The following CREB5 variants were observed in gnomAD, a reference collection of about 807,000 sequenced individuals.
The protein encoded by CREB5 is cyclic AMP-responsive element-binding protein 5.
Under a neutral mutation model 57.1 loss-of-function variants are expected in CREB5, and 19 were observed. The ratio of observed to expected loss-of-function variants is 0.33; its 90% CI spans 0.23 to 0.49. CREB5 has a LOEUF of 0.49. CREB5 is among the 20% of genes least tolerant of loss of function. The pLI is 0.99. For synonymous variants in CREB5, 238 were observed against 238.3 expected (o/e 1.00, Z 0.01); for missense variants, 579 against 671.6 (o/e 0.86, Z 1.52).
intron 6 of CREB5, among the ~76,000 whole-genome samples, chr7:28,721,146 C>CG (rs902475000): frequency 1.3e-5 from 2 of 152,082 alleles, no homozygotes; most frequent in African/African-American, 4.8e-5. Context: ...TTTTGTCCCC[C>CG]GGGGGATATG....
chr7:28,395,310 C>T (rs1010342819), intron 1 of CREB5, among the ~76,000 whole-genome samples: 6 of 152,182 alleles, frequency 3.9e-5, no homozygotes, highest in African/African-American at 1.4e-4. Flanking sequence ...CAGTTTCTTT[C>T]CACACTTGTT....
At chr7:28,802,351 C>T (rs1562651068) in intron 7 of CREB5, among the ~76,000 whole-genome samples, 2 of 151,956 alleles carry the variant, frequency 1.3e-5, no homozygotes, top group South Asian at 2.1e-4. Flanking sequence ...GGTAGAGGCT[C>T]TTTATGTTTA....
chr7:28,654,755 G>T (rs984816333), intron 5 of CREB5, among the ~76,000 whole-genome samples: 2 of 152,044 alleles, frequency 1.3e-5, no homozygotes, highest in African/African-American at 4.8e-5. Flanking sequence ...TACCAATGAG[G>T]CACCCTGATG....
chr7:28,722,673 G>C (rs1169927995), intron 6 of CREB5, among the ~76,000 whole-genome samples: 4 of 152,076 alleles, frequency 2.6e-5, no homozygotes, highest in African/African-American at 9.7e-5. Context: ...TACTGAATTG[G>C]CAAGGCCTCA....
In CREB5 at chr7:28,821,368, A is replaced by ATCTT. The variant is rs1809761628; in HGVS notation, c.*2092_*2095dup. ...CTTTTTAAATCAATATTTATCAACA[A>ATCTT]TCTTTCCTTGTATGCAGTGCTTTCA... is the stretch of plus-strand genomic sequence containing the variant. On this transcript the variant is annotated 3_prime_UTR_variant, in exon 11 of 11. Transcript: ENST00000357727. The ATCTT allele has an allele frequency of 6.6e-6, 1 of 151,900 alleles. No individual in the cohort carries two copies. The highest frequency in any genetic ancestry group is 2.1e-4 in the South Asian group (1 of 4,814). The allele number at this position is 151,900 out of a possible 1,614,324, so 9.4% of individuals were successfully genotyped here. A position where few individuals can be genotyped will look rare whatever the true frequency, so the allele number is the denominator to read the frequency against.
intron 1 of CREB5, among the ~76,000 whole-genome samples, chr7:28,339,799 AT>A (rs1318181910): frequency 6.6e-6 from 1 of 152,142 alleles, no homozygotes; most frequent in Non-Finnish European, 1.5e-5. Context: ...AACTTTAGAA[AT>A]TTACCTGGTG....
intron 5 of CREB5, among the ~76,000 whole-genome samples, chr7:28,608,126 C>G (rs1283164963): frequency 8.4e-6 from 1 of 118,726 alleles, no homozygotes; most frequent in African/African-American, 4.9e-5. Context: ...CACACACTCA[C>G]ACACACACAC....
chr7:28,637,211 C>T (rs771190579), intron 5 of CREB5, among the ~76,000 whole-genome samples: 1 of 151,924 alleles, frequency 6.6e-6, no homozygotes, highest in African/African-American at 2.4e-5. Context: ...ATTTGACCAC[C>T]TGAATTATGT....
intron 1 of CREB5, among the ~76,000 whole-genome samples, chr7:28,343,583 C>T (rs1219266046): frequency 1.3e-5 from 2 of 152,110 alleles, no homozygotes; most frequent in Non-Finnish European, 2.9e-5. Context: ...GTATCTGTAT[C>T]TATATCTACA....
intron 5 of CREB5, among the ~76,000 whole-genome samples, chr7:28,627,772 C>A (rs1282514335): frequency 2.0e-5 from 3 of 152,104 alleles, no homozygotes; most frequent in Non-Finnish European, 4.4e-5. Flanking sequence ...TTCAGCTTAT[C>A]TTCAGCCTTA....
chr7:28,635,237 T>C (rs41307), intron 5 of CREB5, among the ~76,000 whole-genome samples: 84,727 of 151,996 alleles, frequency 0.56, 24,222 homozygotes, highest in East Asian at 0.66. Flanking sequence ...ACAGGGCCAC[T>C]GATATTGCTC....
intron 1 of CREB5, among the ~76,000 whole-genome samples, chr7:28,395,142 G>C (rs1431146658): frequency 1.3e-5 from 2 of 152,092 alleles, no homozygotes; most frequent in African/African-American, 4.8e-5. Flanking sequence ...GTCTATATTA[G>C]GGTCTTCATT....
intron 8 of CREB5, among the ~76,000 whole-genome samples, chr7:28,807,628 T>C (rs886608776): frequency 6.6e-6 from 1 of 152,162 alleles, no homozygotes; most frequent in Non-Finnish European, 1.5e-5. Flanking sequence ...ATTACAGTCA[T>C]TCTGATTGAT....
chr7:28,474,926 C>G (rs1183437022), intron 1 of CREB5, among the ~76,000 whole-genome samples: 1 of 152,096 alleles, frequency 6.6e-6, no homozygotes, highest in Admixed American at 6.5e-5. Context: ...TTAAAAACGC[C>G]TGACACATAG....
intron 5 of CREB5, among the ~76,000 whole-genome samples, chr7:28,596,183 G>T (rs912724462): frequency 6.6e-6 from 1 of 152,164 alleles, no homozygotes; most frequent in African/African-American, 2.4e-5. Context: ...AATGAGATAA[G>T]TGAGCAGTCC....
intron 1 of CREB5, among the ~76,000 whole-genome samples, chr7:28,318,952 T>C (rs1785435774): frequency 6.6e-6 from 1 of 152,240 alleles, no homozygotes; most frequent in Non-Finnish European, 1.5e-5. Flanking sequence ...ATTTTGATTC[T>C]GGACTGACAT....
intron 4 of CREB5, among the ~76,000 whole-genome samples, chr7:28,543,390 C>T (rs1243215114): frequency 6.6e-6 from 1 of 152,152 alleles, no homozygotes; most frequent in South Asian, 2.1e-4. Flanking sequence ...GTTTGCCTGC[C>T]TAGCCATTTG....
At chr7:28,547,486 T>C (rs903913821) in intron 4 of CREB5, among the ~76,000 whole-genome samples, 2 of 152,222 alleles carry the variant, frequency 1.3e-5, no homozygotes, top group African/African-American at 4.8e-5. Flanking sequence ...GTTTCTTCTT[T>C]GGGAAACCTC....
At chr7:28,758,912 G>A (rs940057739) in intron 7 of CREB5, among the ~76,000 whole-genome samples, 1 of 152,144 alleles carries the variant, frequency 6.6e-6, no homozygotes, top group Non-Finnish European at 1.5e-5. Flanking sequence ...AAAGTGAGAC[G>A]TCAGTAATTC....
Sources: gnomAD v4.1 joint callset for allele counts (sites outside exome capture counted in the v4.1 genomes callset) on GRCh38, gnomAD v4.1.1 for gene constraint, MANE v1.5 for transcripts, NCBI Gene and HGNC (gene_info 2026-07-23, HGNC 2026-07-21) for gene names.